Variants in USP3 observed in about 807,000 individuals in gnomAD.
The protein encoded by USP3 is ubiquitin carboxyl-terminal hydrolase 3.
Under a neutral mutation model 72.3 loss-of-function variants are expected in USP3, and 20 were observed. The ratio of observed to expected loss-of-function variants is 0.28; its 90% confidence interval spans 0.19 to 0.40. The LOEUF (loss-of-function observed/expected upper bound fraction) is 0.40. Ranked by LOEUF, USP3 falls within the 10% of genes least tolerant of loss-of-function variation. The pLI is 1.00. For missense variants in USP3, 479 were observed against 633.9 expected (o/e 0.76, Z 2.62); for synonymous variants, 222 against 225.3 (o/e 0.99, Z 0.13).
Position 63,593,658 on chromosome 15 carries a change from G to A in USP3, c.*2832G>A, listed in dbSNP as rs562834850. The A allele has an allele frequency of 5.3e-5, 8 of 152,360 alleles. No homozygotes were observed. Among genetic ancestry groups the A allele is most frequent in the African/African-American group, 1.7e-4 (7 of 41,578 alleles). 9.4% of individuals were successfully genotyped at this position (152,360 alleles called of 1,614,324 possible). A position where few individuals can be genotyped will look rare whatever the true frequency, so the allele number is the denominator to read the frequency against. On this transcript the variant is annotated 3_prime_UTR_variant, in exon 15 of 15. Transcript: ENST00000380324. ...TGGTGTGAAGATTCTTTAGAAAAGT[G>A]ATTGGATCCATCTCAATTGTGCACT...
chr15:63,580,641 C>CATATATATTATATATATATAT (rs2066937362), intron 11 of USP3, among the ~76,000 whole-genome samples: 2 of 49,566 alleles, frequency 4.0e-5, no homozygotes, highest in African/African-American at 1.9e-4. Context: ...GAAAGTGGTG[C>CATATATATTATATATATATAT]ATATATATAT....
chr15:63,568,899 A>T (rs1359318840), intron 8 of USP3, among the ~76,000 whole-genome samples: 1 of 152,226 alleles, frequency 6.6e-6, no homozygotes, highest in Non-Finnish European at 1.5e-5. Context: ...GTAATGGTAT[A>T]GGAAACATAG....
chr15:63,544,647 A>G lies in USP3; in HGVS notation c.284+7491A>G. 1 of 699,420 alleles carries G rather than the reference A, an allele frequency of 1.4e-6. No homozygotes were observed. Among genetic ancestry groups the G allele is most frequent in the Non-Finnish European group, 2.6e-6 (1 of 383,436 alleles). 43.3% of individuals were successfully genotyped at this position (699,420 alleles called of 1,614,324 possible). On this transcript the variant is annotated intron_variant, in intron 3 of 14. Coordinates refer to ENST00000380324, the MANE Select transcript of USP3 (RefSeq NM_006537.4). This position sits in a 1 kb window ranked among gnomAD's most constrained non-coding sequence, Gnocchi z 4.2. ...TTCATTTTTGGAGAATGGGGGAAGA[A>G]TGTAAAGATGGAGATGACCGAATGA...
intron 3 of USP3, among the ~76,000 whole-genome samples, chr15:63,549,207 G>C (rs1455672581): frequency 6.6e-6 from 1 of 152,060 alleles, no homozygotes; most frequent in Non-Finnish European, 1.5e-5. Flanking sequence ...ATCTCAACTC[G>C]TGAAGTTTTG....
chr15:63,574,537 G>T lies in USP3; in HGVS notation c.1096+134G>T. 1.6e-6 allele frequency: 1 copy of T among 610,092 alleles called. No individual in the cohort carries two copies. 37.8% of individuals were successfully genotyped at this position (610,092 alleles called of 1,614,324 possible). On this transcript the variant is annotated intron_variant, in intron 11 of 14. Transcript: ENST00000380324. The surrounding 1 kb of genome is among the most constrained non-coding windows in gnomAD (Gnocchi z 4.6). ...TTGTAACTTAACAAAAGTCAAACTT[G>T]AATGTCTTTTCCTACTCCCCAAAAT...
chr15:63,543,020 G>A (rs1037903628), intron 3 of USP3, among the ~76,000 whole-genome samples: 1 of 152,212 alleles, frequency 6.6e-6, no homozygotes, highest in Non-Finnish European at 1.5e-5. Flanking sequence ...GCTGATGTGT[G>A]AGAAATGTAC....
At chr15:63,556,208 T>C (rs1207408478) in intron 4 of USP3, 1 of 152,720 alleles carries the variant, frequency 6.5e-6, no homozygotes, top group Non-Finnish European at 1.5e-5. Flanking sequence ...CAAACTCAGA[T>C]CATATCATCA....
chr15:63,563,235 T>G (rs562127223), intron 8 of USP3, among the ~76,000 whole-genome samples: 1 of 152,318 alleles, frequency 6.6e-6, no homozygotes, highest in South Asian at 2.1e-4. Flanking sequence ...GGTGGGGTAT[T>G]TTGTTGCTAT....
In USP3 at chr15:63,521,016, C is replaced by A. The variant is rs559126921; in HGVS notation, c.92-11631C>A. ...GCCGGCCGCTCACTCCTACCCACCC[C>A]CTGTAGACAACCAATTTCATTAATT... On this transcript the variant is annotated intron_variant, in intron 1 of 14. Coordinates refer to ENST00000380324, the MANE Select transcript of USP3 (RefSeq NM_006537.4). Among the ~76,000 whole-genome samples, 5 of 152,090 alleles carry A rather than the reference C, an allele frequency of 3.3e-5. No individual in the cohort carries two copies. In the East Asian group the frequency reaches 9.6e-4, roughly 29 times the overall value.
Position 63,538,655 on chromosome 15 carries a change from C to T in USP3, c.284+1499C>T, listed in dbSNP as rs139164490. Among the ~76,000 whole-genome samples the T allele has an allele frequency of 2.2e-3, 330 of 151,702 alleles. 3 individuals are homozygous for T. The highest frequency in any genetic ancestry group is 0.021 in the Middle Eastern group (6 of 292). ...CTGCCTCCTGGGTTCAAGCCATTCT[C>T]CTGCCTCAGCCTCCTGAGTAGCTGG... is the stretch of plus-strand genomic sequence containing the variant. On this transcript the variant is annotated intron_variant, in intron 3 of 14. Coordinates refer to ENST00000380324, the MANE Select transcript of USP3 (RefSeq NM_006537.4).
At chr15:63,547,919 G>T (rs2066375210) in intron 3 of USP3, among the ~76,000 whole-genome samples, 2 of 62,210 alleles carry the variant, frequency 3.2e-5, no homozygotes, top group Non-Finnish European at 7.9e-5. Context: ...GCATATAGTG[G>T]CTCATGCCTG....
intron 3 of USP3, among the ~76,000 whole-genome samples, chr15:63,545,903 G>A (rs1417570094): frequency 1.4e-5 from 2 of 141,620 alleles, no homozygotes; most frequent in African/African-American, 2.6e-5. Flanking sequence ...CCCAGGAGAC[G>A]GAGGTTACAG....
chr15:63,506,485 C>T (rs533671380), intron 1 of USP3, among the ~76,000 whole-genome samples: 46 of 152,280 alleles, frequency 3.0e-4, no homozygotes, highest in African/African-American at 1.1e-3. Context: ...AATTAGCACA[C>T]TTCTGGCATT....
chr15:63,570,328 G>T lies in USP3; in HGVS notation c.762-105G>T. On this transcript the variant is annotated intron_variant, in intron 8 of 14. Transcript: ENST00000380324. This position sits in a 1 kb window ranked among gnomAD's most constrained non-coding sequence, Gnocchi z 4.4. ...GGTGAGGAAGCCTGGCTGTGCTTGT[G>T]AGCACGGGGCTGCCGTCCTTTTCCA... The T allele has an allele frequency of 6.8e-7, 1 of 1,462,534 alleles. No homozygotes were observed. The highest frequency in any genetic ancestry group is 9.3e-7 in the Non-Finnish European group (1 of 1,079,028). The allele number at this position is 1,462,534 out of a possible 1,614,324, so 90.6% of individuals were successfully genotyped here.
rs562088021 is a variant in USP3 at position 63,528,953 on chromosome 15, A to T, written c.92-3694A>T. 1,037 of 1,229,698 alleles carry T rather than the reference A, an allele frequency of 8.4e-4. No homozygotes were observed. The highest frequency in any genetic ancestry group is 1.1e-3 in the Non-Finnish European group (1,006 of 937,438). 76.2% of individuals were successfully genotyped at this position (1,229,698 alleles called of 1,614,324 possible). ...TATAAACAGAGTGAATATTCCCCAAAGCAATGCCATTTATTGGCTTCAGAA... is the reference window on the plus strand; with the variant it reads ...TATAAACAGAGTGAATATTCCCCAATGCAATGCCATTTATTGGCTTCAGAA... On this transcript the variant is annotated intron_variant, in intron 1 of 14. Coordinates refer to ENST00000380324, the MANE Select transcript of USP3 (RefSeq NM_006537.4). The surrounding 1 kb of genome is among the most constrained non-coding windows in gnomAD (Gnocchi z 4.3).
chr15:63,521,701 GT>G (rs2065922974), intron 1 of USP3, among the ~76,000 whole-genome samples: 1 of 152,202 alleles, frequency 6.6e-6, no homozygotes, highest in South Asian at 2.1e-4. Flanking sequence ...CAGACCAGCT[GT>G]TTCGGATACT....
rs1359200178 is a variant in USP3 at position 63,591,702 on chromosome 15, T to C, written c.*876T>C. On this transcript the variant is annotated 3_prime_UTR_variant, in exon 15 of 15. Transcript: ENST00000380324. ...ACATGTCCATTATAGACTTACTTACTGCTTGTGTTTGGCATCTGAGTCTGA... is the reference window on the plus strand; with the variant it reads ...ACATGTCCATTATAGACTTACTTACCGCTTGTGTTTGGCATCTGAGTCTGA... The C allele has an allele frequency of 1.3e-5, 2 of 152,236 alleles. No homozygotes were observed. The highest frequency in any genetic ancestry group is 2.9e-5 in the Non-Finnish European group (2 of 68,062). The allele number at this position is 152,236 out of a possible 1,614,324, so 9.4% of individuals were successfully genotyped here.
In USP3 at chr15:63,558,001, A is replaced by C. The variant is rs750502167; in HGVS notation, c.451-105A>C. On this transcript the variant is annotated intron_variant, in intron 5 of 14. Transcript: ENST00000380324. ...ATTGGACAGAAAAGGACCAATTCCA[A>C]ATTGGCTTGGTGCTAGATTTCAGAG... is the stretch of plus-strand genomic sequence containing the variant. 21 of 1,100,286 alleles carry C rather than the reference A, an allele frequency of 1.9e-5. No individual in the cohort carries two copies. In the South Asian group the frequency reaches 2.5e-4, roughly 13 times the overall value. The allele number at this position is 1,100,286 out of a possible 1,614,324, so 68.2% of individuals were successfully genotyped here.
intron 1 of USP3, among the ~76,000 whole-genome samples, chr15:63,510,194 T>G (rs1232029987): frequency 2.0e-5 from 3 of 152,212 alleles, no homozygotes; most frequent in African/African-American, 7.2e-5. Flanking sequence ...TTATAGTGTT[T>G]GCAGCTCAGT....
Sources: gnomAD v4.1 joint callset for allele counts (sites outside exome capture counted in the v4.1 genomes callset) on GRCh38, gnomAD v4.1.1 for gene constraint, Gnocchi (gnomAD v3.1) non-coding constraint, MANE v1.5 for transcripts, NCBI Gene and HGNC (gene_info 2026-07-23, HGNC 2026-07-21) for gene names.